KCTD16: variants seen among roughly 807,000 people sequenced by gnomAD.
KCTD16 encodes potassium channel tetramerization domain containing 16.
In KCTD16, 13 loss-of-function variants were observed where a neutral mutation model predicts 33.2. The ratio of observed to expected loss-of-function variants is 0.39; its 90% confidence interval spans 0.25 to 0.62. KCTD16 has a LOEUF of 0.62. Among genes scored for constraint, KCTD16 ranks in the 20% least tolerant of loss-of-function variants. The pLI is 0.50. For missense variants in KCTD16, 441 were observed against 525.1 expected (o/e 0.84, Z 1.57); for synonymous variants, 197 against 195.3 (o/e 1.01, Z -0.07).
chr5:144,185,804 T>C (rs1409395476), intron 2 of KCTD16, among the ~76,000 whole-genome samples: 1 of 152,212 alleles, frequency 6.6e-6, no homozygotes, highest in Non-Finnish European at 1.5e-5. Flanking sequence ...AATAAAAAGA[T>C]AATAACAATA....
At chr5:144,247,508 C>T (rs1754582936) in intron 3 of KCTD16, among the ~76,000 whole-genome samples, 1 of 152,158 alleles carries the variant, frequency 6.6e-6, no homozygotes, top group African/African-American at 2.4e-5. Context: ...AACATGGGAG[C>T]ACAGATAAAC....
intron 2 of KCTD16, among the ~76,000 whole-genome samples, chr5:144,174,958 A>G (rs1436251709): frequency 6.6e-6 from 1 of 152,236 alleles, no homozygotes; most frequent in Non-Finnish European, 1.5e-5. Flanking sequence ...CAGTGAAAGC[A>G]CTGAAGCACT....
chr5:144,349,330 A>G (rs1229618051), intron 3 of KCTD16, among the ~76,000 whole-genome samples: 1 of 152,098 alleles, frequency 6.6e-6, no homozygotes, highest in Non-Finnish European at 1.5e-5. Flanking sequence ...GGGCAAGCTC[A>G]CCTTTCTGTG....
At chr5:144,310,290 C>T (rs965764554) in intron 3 of KCTD16, among the ~76,000 whole-genome samples, 1 of 152,096 alleles carries the variant, frequency 6.6e-6, no homozygotes, top group African/African-American at 2.4e-5. Flanking sequence ...TTTCTTTATA[C>T]AATCATTGTG....
chr5:144,171,801 T>C (rs1752390489), intron 1 of KCTD16, among the ~76,000 whole-genome samples: 1 of 152,204 alleles, frequency 6.6e-6, no homozygotes, highest in Non-Finnish European at 1.5e-5. Flanking sequence ...GTGTGTTGGT[T>C]CTAAAAGAAG....
intron 3 of KCTD16, among the ~76,000 whole-genome samples, chr5:144,354,438 C>G (rs1009491184): frequency 6.6e-6 from 1 of 152,162 alleles, no homozygotes; most frequent in African/African-American, 2.4e-5. Context: ...TCGTATTACC[C>G]CTGGGGTTCA....
chr5:144,245,396 T>C (rs1451528093), intron 3 of KCTD16, among the ~76,000 whole-genome samples: 1 of 152,304 alleles, frequency 6.6e-6, no homozygotes, highest in East Asian at 1.9e-4. Context: ...GGTGCGACTT[T>C]AAGTATAGGA....
Position 144,474,833 on chromosome 5 carries a change from A to G in KCTD16, c.*719A>G, listed in dbSNP as rs1474720900. 6.6e-6 allele frequency: 1 copy of G among 152,158 alleles called. No individual in the cohort carries two copies. 9.4% of individuals were successfully genotyped at this position (152,158 alleles called of 1,614,324 possible). A position where few individuals can be genotyped will look rare whatever the true frequency, so the allele number is the denominator to read the frequency against. ...CCAGCCTTTCTTCACAACACTTTCT[A>G]ACATCAAATGACTCTCATCATCAAC... On this transcript the variant is annotated 3_prime_UTR_variant, in exon 4 of 4. Coordinates refer to ENST00000512467, the MANE Select transcript of KCTD16 (RefSeq NM_020768.4).
At chr5:144,414,966 G>A (rs933365457) in intron 3 of KCTD16, among the ~76,000 whole-genome samples, 1 of 152,090 alleles carries the variant, frequency 6.6e-6, no homozygotes, top group Non-Finnish European at 1.5e-5. Flanking sequence ...GAAGCTATTG[G>A]CAATGGTCTT....
intron 3 of KCTD16, among the ~76,000 whole-genome samples, chr5:144,384,874 A>T (rs1752290591): frequency 6.6e-6 from 1 of 152,196 alleles, no homozygotes; most frequent in Non-Finnish European, 1.5e-5. Flanking sequence ...AAGAGTATAA[A>T]ATAGCATGTA....
At chr5:144,181,856 G>T (rs920752445) in intron 2 of KCTD16, among the ~76,000 whole-genome samples, 4 of 152,174 alleles carry the variant, frequency 2.6e-5, no homozygotes, top group African/African-American at 9.7e-5. Context: ...CACTTTGGGA[G>T]ACTGAGGCAG....
chr5:144,303,302 A>T (rs1316511640), intron 3 of KCTD16, among the ~76,000 whole-genome samples: 2 of 152,194 alleles, frequency 1.3e-5, no homozygotes, highest in Non-Finnish European at 2.9e-5. Flanking sequence ...TAATTACCTA[A>T]GCTGGGGAAG....
At chr5:144,338,832 C>T (rs1752556067) in intron 3 of KCTD16, among the ~76,000 whole-genome samples, 1 of 152,124 alleles carries the variant, frequency 6.6e-6, no homozygotes, top group African/African-American at 2.4e-5. Context: ...GGGTTACTCT[C>T]AGAGATTCAT....
At chr5:144,212,245 CT>C (rs1400500849) in intron 3 of KCTD16, among the ~76,000 whole-genome samples, 1 of 152,080 alleles carries the variant, frequency 6.6e-6, no homozygotes, top group African/African-American at 2.4e-5. Flanking sequence ...GAGAATTGGG[CT>C]TAATAGAACA....
At chr5:144,252,795 T>G (rs1264890940) in intron 3 of KCTD16, among the ~76,000 whole-genome samples, 1 of 151,926 alleles carries the variant, frequency 6.6e-6, no homozygotes, top group African/African-American at 2.4e-5. Flanking sequence ...TCAGGAAAGT[T>G]TCATCTCTCT....
chr5:144,218,959 T>C (rs901111927), intron 3 of KCTD16, among the ~76,000 whole-genome samples: 4 of 152,200 alleles, frequency 2.6e-5, no homozygotes, highest in Non-Finnish European at 5.9e-5. Context: ...TGAGTGACAG[T>C]AAAATATGGT....
intron 3 of KCTD16, among the ~76,000 whole-genome samples, chr5:144,388,081 T>TG (rs1752367489): frequency 7.6e-6 from 1 of 130,724 alleles, no homozygotes; most frequent in South Asian, 2.7e-4. Context: ...TTTTTTTTTT[T>TG]TTTTTTTTTT....
chr5:144,473,970 A>G lies in KCTD16; in HGVS notation c.1143A>G (p.Lys381=). ...SGSRESNMSS[K]KKAVKEKLSI... ...CCAGGGAATCGAACATGAGCAGCAA[A>G]AAAAAAGCTGTTAAAGAAAAGCTCT... is the stretch of plus-strand genomic sequence containing the variant. The change falls in exon 4 of 4, where the codon AAA becomes AAG. Residue 381 remains lysine (K), a synonymous_variant. Transcript: ENST00000512467. The G allele has an allele frequency of 6.2e-7, 1 of 1,614,092 alleles. No homozygotes were observed. The highest frequency in any genetic ancestry group is 1.3e-5 in the African/African-American group (1 of 75,036).
At chr5:144,439,602 C>T (rs761413956) in intron 3 of KCTD16, 9 of 196,934 alleles carry the variant, frequency 4.6e-5, no homozygotes, top group East Asian at 3.3e-4. Context: ...ATGTTCAACA[C>T]GCTTTTTGAA....
Sources: gnomAD v4.1 joint callset for allele counts (sites outside exome capture counted in the v4.1 genomes callset) on GRCh38, gnomAD v4.1.1 for gene constraint, MANE v1.5 for transcripts, NCBI Gene and HGNC (gene_info 2026-07-23, HGNC 2026-07-21) for gene names.